Variants in FAM76B observed in about 807,000 individuals in gnomAD.
The protein encoded by FAM76B is family with sequence similarity 76 member B, also known as protein FAM76B.
FAM76B carries 16 observed loss-of-function variants against 51.8 expected under a neutral mutation model. The observed-to-expected ratio is 0.31, with a 90% confidence interval of 0.21 to 0.47. FAM76B has a LOEUF of 0.47. FAM76B is among the 20% of genes least tolerant of loss of function. The pLI, the probability that FAM76B is intolerant of heterozygous loss-of-function variation, is 1.00. For missense variants in FAM76B, 342 were observed against 392.6 expected (o/e 0.87, Z 1.09); for synonymous variants, 166 against 129.5 (o/e 1.28, Z -1.91).
intron 1 of FAM76B, 134 bp downstream of exon 1, chr11:95,789,258 G>C: frequency 1.9e-6 from 2 of 1,038,498 alleles, no homozygotes; most frequent in Non-Finnish European, 2.8e-6. Flanking sequence ...GGGTCCCCGA[G>C]TGGGGAGGCG....
intron 4 of FAM76B, among the ~76,000 whole-genome samples, chr11:95,784,686 C>T (rs1245804793): frequency 2.6e-5 from 4 of 151,360 alleles, no homozygotes; most frequent in African/African-American, 9.7e-5. Context: ...CTCCCGGGTT[C>T]ACGCCATTCT....
Position 95,786,182 on chromosome 11 carries a change from A to G in FAM76B, c.300T>C (p.Pro100=). The stretch of plus-strand genomic sequence containing the variant: ...GCTGTTTGCACTGTTCACAGGTCTG[A>G]GGTGGTCCATACTTTTTTTCTGAAT... The part of the protein sequence containing the change: ...CTNSEKKYGP[P]QTCEQCKQQC... The change falls in exon 4 of 10, where the codon CCT becomes CCC. Residue 100 remains proline (P), a synonymous_variant. Transcript: ENST00000358780. The G allele has an allele frequency of 6.2e-7, 1 of 1,614,140 alleles. No homozygotes were observed. The highest frequency in any genetic ancestry group is 1.3e-5 in the African/African-American group (1 of 75,048).
chr11:95,778,689 T>G, intron 8 of FAM76B, 133 bp downstream of exon 8: 1 of 1,159,734 alleles, frequency 8.6e-7, no homozygotes, highest in Non-Finnish European at 1.2e-6. Context: ...TCAGGGGCTT[T>G]TGTAATTTGT....
chr11:95,787,150 T>C (rs1028520616), intron 3 of FAM76B, among the ~76,000 whole-genome samples: 7 of 152,244 alleles, frequency 4.6e-5, no homozygotes, highest in African/African-American at 1.7e-4. Context: ...TTGACTGTTT[T>C]TAAATGTTAT....
intron 5 of FAM76B, among the ~76,000 whole-genome samples, chr11:95,781,876 T>C (rs374682252): frequency 6.6e-6 from 1 of 152,150 alleles, no homozygotes; most frequent in South Asian, 2.1e-4. Flanking sequence ...AACCTCATAA[T>C]CTAATAGGTG....
At chr11:95,788,631 A>G in intron 1 of FAM76B, 68 bp from the exon 2 acceptor site, 1 of 1,473,342 alleles carries the variant, frequency 6.8e-7, no homozygotes, top group African/African-American at 1.4e-5. Flanking sequence ...CTGGTAGAAA[A>G]CTGTTTACCC....
At chr11:95,786,004 G>C (rs779674166) in intron 4 of FAM76B, 115 bp downstream of exon 4, 2 of 1,266,412 alleles carry the variant, frequency 1.6e-6, no homozygotes, top group African/African-American at 1.5e-5. Flanking sequence ...CTAACTACTT[G>C]CTTTCATGGA....
Position 95,789,745 on chromosome 11 carries a change from G to C in FAM76B, c.-267C>G. 2.2e-6 allele frequency: 1 copy of C among 456,604 alleles called. No individual in the cohort carries two copies. Among genetic ancestry groups the C allele is most frequent in the Non-Finnish European group, 3.9e-6 (1 of 259,422 alleles). The allele number at this position is 456,604 out of a possible 1,614,324, so 28.3% of individuals were successfully genotyped here. On this transcript the variant is annotated 5_prime_UTR_variant, in exon 1 of 10. Coordinates refer to ENST00000358780, the MANE Select transcript of FAM76B (RefSeq NM_144664.5). ...GATAGCGGCGGAGGGAGACGAAGCG[G>C]GTAGGGGGTTGCTGTTTAGCTGTGC...
intron 5 of FAM76B, among the ~76,000 whole-genome samples, chr11:95,781,428 C>T (rs1860261534): frequency 6.6e-6 from 1 of 152,054 alleles, no homozygotes; most frequent in African/African-American, 2.4e-5. Flanking sequence ...TCATAAGTAA[C>T]CAGAAGTAAA....
intron 4 of FAM76B, among the ~76,000 whole-genome samples, chr11:95,784,571 T>TAC (rs919585950): frequency 0.097 from 14,402 of 147,934 alleles, 934 homozygotes; most frequent in African/African-American, 0.19. Context: ...TGTGTATATA[T>TAC]ACACACACAC....
intron 5 of FAM76B, among the ~76,000 whole-genome samples, chr11:95,781,852 A>C (rs975138928): frequency 1.6e-4 from 24 of 152,172 alleles, no homozygotes; most frequent in African/African-American, 5.3e-4. Context: ...ATTAAACATC[A>C]CTAACCTCAA....
At chr11:95,777,784 A>G (rs1258105855) in intron 8 of FAM76B, among the ~76,000 whole-genome samples, 1 of 151,442 alleles carries the variant, frequency 6.6e-6, no homozygotes, top group African/African-American at 2.4e-5. Context: ...AAGCCAACTC[A>G]GCACAGACTT....
Position 95,775,013 on chromosome 11 carries a change from A to C in FAM76B, c.930+909T>G, listed in dbSNP as rs201645604. Among the ~76,000 whole-genome samples the C allele has an allele frequency of 5.9e-5, 9 of 151,332 alleles. No homozygotes were observed. The East Asian group carries it at 1.7e-3, about 29-fold the overall frequency. Reference sequence around the variant, plus strand: ...TTGGTGTTACAATGTGAAAAAAAAAAAACAAAATGAAACAGGACAGTATTA... The same window carrying C: ...TTGGTGTTACAATGTGAAAAAAAAACAACAAAATGAAACAGGACAGTATTA... On this transcript the variant is annotated intron_variant, in intron 9 of 9. Coordinates refer to ENST00000358780, the MANE Select transcript of FAM76B (RefSeq NM_144664.5).
At chr11:95,777,699 T>A (rs1860071969) in intron 8 of FAM76B, among the ~76,000 whole-genome samples, 1 of 151,414 alleles carries the variant, frequency 6.6e-6, no homozygotes, top group East Asian at 1.9e-4. Context: ...GCTACAAATG[T>A]ATTAAAATAA....
At chr11:95,789,255 C>T (rs1860831628) in intron 1 of FAM76B, 137 bp downstream of exon 1, 6 of 1,035,468 alleles carry the variant, frequency 5.8e-6, no homozygotes, top group Middle Eastern at 3.1e-4. Context: ...AAGGGGTCCC[C>T]GAGTGGGGAG....
chr11:95,773,421 T>C (rs1859856866), intron 9 of FAM76B, among the ~76,000 whole-genome samples: 1 of 148,460 alleles, frequency 6.7e-6, no homozygotes, highest in African/African-American at 2.5e-5. Flanking sequence ...TACATTTAAA[T>C]TGTTTTATCC....
At chr11:95,773,295 A>G (rs1035509030) in intron 9 of FAM76B, among the ~76,000 whole-genome samples, 1 of 151,014 alleles carries the variant, frequency 6.6e-6, no homozygotes, top group African/African-American at 2.4e-5. Flanking sequence ...TTCTTAATAA[A>G]TTACATAAGA....
chr11:95,788,660 A>C, intron 1 of FAM76B, 97 bp from the exon 2 acceptor site: 1 of 1,328,478 alleles, frequency 7.5e-7, no homozygotes, highest in South Asian at 1.3e-5. Flanking sequence ...GAAAGTCTAA[A>C]ACATTTATAA....
intron 8 of FAM76B, among the ~76,000 whole-genome samples, chr11:95,776,925 C>T (rs10831431): frequency 0.28 from 41,889 of 149,874 alleles, 6,999 homozygotes; most frequent in Non-Finnish European, 0.38. Context: ...GTCTTATAGT[C>T]TTATTAAAAA....
Sources: gnomAD v4.1 joint callset for allele counts (sites outside exome capture counted in the v4.1 genomes callset) on GRCh38, gnomAD v4.1.1 for gene constraint, MANE v1.5 for transcripts, NCBI Gene and HGNC (gene_info 2026-07-23, HGNC 2026-07-21) for gene names.